DPYS: variants seen among roughly 807,000 people sequenced by gnomAD.
DPYS encodes dihydropyrimidine amidohydrolase.
A neutral mutation model predicts 50.3 loss-of-function variants in DPYS; 39 were observed. That is an observed-to-expected ratio of 0.78 (90% CI 0.60 to 1.01). The LOEUF (loss-of-function observed/expected upper bound fraction) is 1.01. Among genes scored for constraint, DPYS ranks in the 50% least tolerant of loss-of-function variants. The probability of loss-of-function intolerance (pLI) is 0.00; values close to 1 mark genes in which losing one functional copy is unlikely to be tolerated. For synonymous variants in DPYS, 245 were observed against 250.7 expected, an observed-to-expected ratio of 0.98 and a Z score of 0.22; for missense variants, 659 against 680.9, an observed-to-expected ratio of 0.97 and a Z score of 0.36.
At chr8:104,394,583 T>C (rs780019243) in intron 7 of DPYS, among the ~76,000 whole-genome samples, 47 of 152,012 alleles carry the variant, frequency 3.1e-4, no homozygotes, top group Non-Finnish European at 5.3e-4. Context: ...CAACACTTCT[T>C]ACTGGCTTCT....
intron 7 of DPYS, among the ~76,000 whole-genome samples, chr8:104,415,162 G>A (rs1477799854): frequency 6.6e-6 from 1 of 152,126 alleles, no homozygotes. Context: ...CTTAAACCTA[G>A]GGATACAGTT....
intron 1 of DPYS, among the ~76,000 whole-genome samples, chr8:104,455,738 G>A (rs926111996): frequency 2.0e-5 from 3 of 151,972 alleles, no homozygotes; most frequent in East Asian, 1.9e-4. Flanking sequence ...AACATGCTTC[G>A]GAACATACCA....
intron 8 of DPYS, among the ~76,000 whole-genome samples, chr8:104,386,054 G>A (rs183233982): frequency 1.3e-5 from 2 of 152,316 alleles, no homozygotes; most frequent in Admixed American, 1.3e-4. Context: ...AATTGAACTT[G>A]AGTTCTCAGT....
intron 8 of DPYS, among the ~76,000 whole-genome samples, chr8:104,383,072 GTCC>G (rs1477332744): frequency 6.6e-6 from 1 of 152,174 alleles, no homozygotes; most frequent in Non-Finnish European, 1.5e-5. Flanking sequence ...CACAGGGCCT[GTCC>G]TCCTCACTCA....
intron 7 of DPYS, among the ~76,000 whole-genome samples, chr8:104,416,357 C>T (rs1486988041): frequency 1.3e-5 from 2 of 152,152 alleles, no homozygotes; most frequent in Non-Finnish European, 2.9e-5. Context: ...GTGAAGAGTG[C>T]CCCTGTAACT....
rs776575118 is a variant in DPYS at position 104,466,785 on chromosome 8, G to A, written c.136C>T (p.Pro46Ser). The change falls in exon 1 of 10, where the codon CCT becomes TCT. Residue 46 changes from proline to serine, a missense_variant. Transcript: ENST00000351513. Reference protein sequence around the residue: ...GHDLLPPGGAPAGLRVLDAAG... With the variant: ...GHDLLPPGGASAGLRVLDAAG... ...GCGTCGAGGACCCGCAGCCCCGCAGGAGCGCCCCCGGGAGGCAGCAGGTCG... is the reference window on the plus strand; with the variant it reads ...GCGTCGAGGACCCGCAGCCCCGCAGAAGCGCCCCCGGGAGGCAGCAGGTCG... 9.1e-6 allele frequency: 14 copies of A among 1,534,174 alleles called. No individual in the cohort carries two copies. In the East Asian group the frequency reaches 1.7e-4, roughly 19 times the overall value.
intron 1 of DPYS, among the ~76,000 whole-genome samples, chr8:104,456,188 A>G (rs1040456024): frequency 2.6e-5 from 4 of 152,194 alleles, no homozygotes; most frequent in African/African-American, 9.7e-5. Context: ...AGGCTATACC[A>G]TCTAGGTTTG....
intron 4 of DPYS, among the ~76,000 whole-genome samples, chr8:104,430,122 A>T (rs1812902681): frequency 6.6e-6 from 1 of 152,192 alleles, no homozygotes; most frequent in Non-Finnish European, 1.5e-5. Flanking sequence ...GTAGAATTTG[A>T]ACCCAGAATT....
chr8:104,418,463 T>C (rs187643818), intron 7 of DPYS, among the ~76,000 whole-genome samples: 1 of 152,344 alleles, frequency 6.6e-6, no homozygotes, highest in Admixed American at 6.5e-5. Flanking sequence ...TATTCATTTA[T>C]TCATTTGATT....
At chr8:104,458,419 A>T (rs2140762336) in intron 1 of DPYS, among the ~76,000 whole-genome samples, 1 of 152,288 alleles carries the variant, frequency 6.6e-6, no homozygotes, top group African/African-American at 2.4e-5. Flanking sequence ...GAGAGACATC[A>T]TTCATGTTCT....
At chr8:104,392,708 C>T in intron 8 of DPYS, 76 bp downstream of exon 8, 1 of 1,573,962 alleles carries the variant, frequency 6.4e-7, no homozygotes, top group Non-Finnish European at 8.7e-7. Flanking sequence ...ACCACTACTA[C>T]CAACAATAAC....
In DPYS at chr8:104,379,527, A is replaced by G. The variant is rs1810962946; in HGVS notation, c.*331T>C. 1 of 173,414 alleles carries G rather than the reference A, an allele frequency of 5.8e-6. No homozygotes were observed. The highest frequency in any genetic ancestry group is 2.4e-5 in the African/African-American group (1 of 41,762). The allele number at this position is 173,414 out of a possible 1,614,324, so 10.7% of individuals were successfully genotyped here. On this transcript the variant is annotated 3_prime_UTR_variant, in exon 10 of 10. Coordinates refer to ENST00000351513, the MANE Select transcript of DPYS (RefSeq NM_001385.3). ...AACCATTTTTTTAAAAAAAGAAACT[A>G]TTTAAACAAGAAAATGATTTTTAAA...
intron 6 of DPYS, among the ~76,000 whole-genome samples, chr8:104,426,530 G>T (rs1304850349): frequency 6.6e-6 from 1 of 152,210 alleles, no homozygotes; most frequent in Non-Finnish European, 1.5e-5. Context: ...AAACAAAATT[G>T]ACAAGACTTG....
chr8:104,402,548 AT>A (rs1811855739), intron 7 of DPYS, among the ~76,000 whole-genome samples: 1 of 152,158 alleles, frequency 6.6e-6, no homozygotes, highest in South Asian at 2.1e-4. Context: ...TGGTCTTATA[AT>A]TTTATTGTCA....
intron 4 of DPYS, among the ~76,000 whole-genome samples, chr8:104,441,087 G>T (rs1405383265): frequency 6.6e-6 from 1 of 152,094 alleles, no homozygotes; most frequent in Non-Finnish European, 1.5e-5. Flanking sequence ...CCATGCCTTG[G>T]TCACATGCAT....
chr8:104,398,576 C>T (rs1350819555), intron 7 of DPYS, among the ~76,000 whole-genome samples: 2 of 152,224 alleles, frequency 1.3e-5, no homozygotes, highest in Non-Finnish European at 2.9e-5. Flanking sequence ...TCAATTCTTG[C>T]AATGTATCTA....
At chr8:104,437,443 GTATTAGCTAAAATA>G (rs1395051717) in intron 4 of DPYS, among the ~76,000 whole-genome samples, 3 of 152,160 alleles carry the variant, frequency 2.0e-5, no homozygotes, top group Non-Finnish European at 2.9e-5. Context: ...TAATTATAAT[GTATTAGCTAAAATA>G]TATTAGCTAA....
At chr8:104,423,495 C>G (rs1357917396) in intron 7 of DPYS, among the ~76,000 whole-genome samples, 1 of 152,070 alleles carries the variant, frequency 6.6e-6, no homozygotes, top group Non-Finnish European at 1.5e-5. Context: ...CAATAAAAAC[C>G]CTAACAGACT....
rs146443030 is a variant in DPYS, at chr8:104,400,235, G to C, written c.1236-7244C>G. ...GGGTTTGCAACCAAAGTCCCTGACT[G>C]ATAGACACCTTGTCCTCTGGAGAAT... is the stretch of plus-strand genomic sequence containing the variant. On this transcript the variant is annotated intron_variant, in intron 7 of 9. Coordinates refer to ENST00000351513, the MANE Select transcript of DPYS (RefSeq NM_001385.3). Among the ~76,000 whole-genome samples the C allele has an allele frequency of 3.2e-4, 49 of 152,284 alleles. No homozygotes were observed. The East Asian group carries it at 9.5e-3, about 29-fold the overall frequency.
Sources: allele counts gnomAD v4.1 joint callset (sites outside exome capture counted in the v4.1 genomes callset), GRCh38; gene constraint gnomAD v4.1.1; transcripts MANE v1.5; gene names NCBI Gene and HGNC (gene_info 2026-07-23, HGNC 2026-07-21).